Variants in OSBPL8 observed in about 807,000 individuals in gnomAD.
The protein encoded by OSBPL8 is oxysterol-binding protein-related protein 8.
In OSBPL8, 59 loss-of-function variants were observed where a neutral mutation model predicts 125.5. The observed-to-expected ratio is 0.47, with a 90% CI of 0.38 to 0.58. The LOEUF (loss-of-function observed/expected upper bound fraction) is 0.58, where lower values mean the gene tolerates loss of function less well. Among genes scored for constraint, OSBPL8 ranks in the 20% least tolerant of loss-of-function variants. The pLI is 0.00. For missense variants in OSBPL8, 758 were observed against 1,047.8 expected, an observed-to-expected ratio of 0.72 and a Z score of 3.82; for synonymous variants, 330 against 338.9, an observed-to-expected ratio of 0.97 and a Z score of 0.29.
rs565743742 is a variant in OSBPL8, at chr12:76,486,506, T to A, written c.42+1004A>T. Among the ~76,000 whole-genome samples, 127 of 152,138 alleles carry A rather than the reference T, an allele frequency of 8.3e-4. 1 individual carries two copies. The highest frequency in any genetic ancestry group is 7.4e-4 in the Non-Finnish European group (50 of 68,024). On this transcript the variant is annotated intron_variant, in intron 2 of 23. Coordinates refer to ENST00000261183, the MANE Select transcript of OSBPL8 (RefSeq NM_020841.5). ...TTCTAAGAGTCTATACATCAATATATAATGGAGTCACTCAAAATGCAACAA... is the reference window on the plus strand; with the variant it reads ...TTCTAAGAGTCTATACATCAATATAAAATGGAGTCACTCAAAATGCAACAA...
intron 4 of OSBPL8, among the ~76,000 whole-genome samples, chr12:76,433,297 C>CA (rs1438501505): frequency 6.6e-6 from 1 of 152,066 alleles, no homozygotes; most frequent in African/African-American, 2.4e-5. Context: ...TCCCTGTTTG[C>CA]AGATGACATA....
chr12:76,442,685 C>T (rs546995884), intron 4 of OSBPL8, among the ~76,000 whole-genome samples: 109 of 152,116 alleles, frequency 7.2e-4, no homozygotes, highest in Non-Finnish European at 1.4e-3. Flanking sequence ...TATTCAAGAA[C>T]ACATTTGTTA....
At chr12:76,543,800 T>C (rs1445125325) in intron 1 of OSBPL8, among the ~76,000 whole-genome samples, 4 of 152,202 alleles carry the variant, frequency 2.6e-5, no homozygotes, top group African/African-American at 9.7e-5. Context: ...AACTTACATG[T>C]AAGTCTGCAT....
rs1950094901 is a variant in OSBPL8, at chr12:76,524,038, T to C, written c.-68+35359A>G. ...TTTTTAGAAAACAAAATACAGTATA[T>C]AAGTACTATGAATTAGAATCATTTA... On this transcript the variant is annotated intron_variant, in intron 1 of 23. Coordinates refer to ENST00000261183, the MANE Select transcript of OSBPL8 (RefSeq NM_020841.5). Among the ~76,000 whole-genome samples the C allele has an allele frequency of 2.0e-5, 3 of 152,100 alleles. No individual in the cohort carries two copies. In the South Asian group the frequency reaches 6.2e-4, roughly 31 times the overall value.
intron 4 of OSBPL8, among the ~76,000 whole-genome samples, chr12:76,413,554 C>CTTA (rs1421181690): frequency 5.3e-5 from 8 of 152,188 alleles, no homozygotes; most frequent in African/African-American, 1.9e-4. Flanking sequence ...GCATGTGTAA[C>CTTA]TTAAACTTTA....
intron 21 of OSBPL8, among the ~76,000 whole-genome samples, chr12:76,365,709 T>C (rs1952389835): frequency 6.6e-6 from 1 of 152,228 alleles, no homozygotes; most frequent in Non-Finnish European, 1.5e-5. Context: ...CTGTCACCAC[T>C]GAATCTACTA....
At position 76,439,495 on chromosome 12, in the gene OSBPL8, C is replaced by T. The variant is rs185757600; in HGVS notation, c.217+11356G>A. On this transcript the variant is annotated intron_variant, in intron 4 of 23. Coordinates refer to ENST00000261183, the MANE Select transcript of OSBPL8 (RefSeq NM_020841.5). ...AACACCATCAATTTAAGATTCAACT[C>T]AATTTCAGAGATGACAGAATATGTA... Among the ~76,000 whole-genome samples the T allele has an allele frequency of 2.7e-4, 41 of 152,174 alleles. No individual in the cohort carries two copies. In the East Asian group the frequency reaches 6.8e-3, roughly 25 times the overall value.
intron 1 of OSBPL8, among the ~76,000 whole-genome samples, chr12:76,513,326 A>G (rs12813745): frequency 0.22 from 32,723 of 152,114 alleles, 3,743 homozygotes; most frequent in Non-Finnish European, 0.26. Context: ...TGCATTTGCT[A>G]AGGATTGTTT....
intron 2 of OSBPL8, among the ~76,000 whole-genome samples, chr12:76,483,142 C>T (rs907314149): frequency 5.3e-5 from 8 of 151,992 alleles, no homozygotes; most frequent in Non-Finnish European, 1.5e-5. Context: ...CGCCTGTAGT[C>T]CCAGCTACTC....
chr12:76,555,193 A>C (rs142074666), intron 1 of OSBPL8, among the ~76,000 whole-genome samples: 53 of 152,334 alleles, frequency 3.5e-4, no homozygotes, highest in African/African-American at 1.2e-3. Flanking sequence ...TCATCACAAC[A>C]ATGAATAGAT....
intron 15 of OSBPL8, among the ~76,000 whole-genome samples, chr12:76,383,539 C>T (rs118133705): frequency 2.6e-5 from 4 of 152,088 alleles, no homozygotes; most frequent in East Asian, 1.9e-4. Context: ...GCTCACCACA[C>T]GCTCAGGTAA....
intron 16 of OSBPL8, among the ~76,000 whole-genome samples, chr12:76,378,053 C>A (rs933808907): frequency 6.6e-6 from 1 of 152,064 alleles, no homozygotes; most frequent in Non-Finnish European, 1.5e-5. Flanking sequence ...TGAGAAAAAT[C>A]TTTAAAAAAC....
intron 2 of OSBPL8, among the ~76,000 whole-genome samples, chr12:76,480,090 C>A (rs1474806403): frequency 6.7e-6 from 1 of 148,680 alleles, no homozygotes; most frequent in South Asian, 2.1e-4. Flanking sequence ...TCGCTTGAAC[C>A]CAGGAGGCAG....
chr12:76,558,949 G>T (rs1951190235), intron 1 of OSBPL8, among the ~76,000 whole-genome samples: 1 of 152,230 alleles, frequency 6.6e-6, no homozygotes, highest in African/African-American at 2.4e-5. Context: ...GCTCTGCAAA[G>T]GCGGGTGCGG....
intron 21 of OSBPL8, 121 bp downstream of exon 21, chr12:76,369,093 G>T: frequency 7.6e-7 from 1 of 1,312,482 alleles, no homozygotes; most frequent in Non-Finnish European, 1.0e-6. Context: ...GAAGAGTTCA[G>T]AGCTGCGTAT....
At chr12:76,442,869 G>A (rs144564266) in intron 4 of OSBPL8, among the ~76,000 whole-genome samples, 2 of 152,124 alleles carry the variant, frequency 1.3e-5, no homozygotes, top group South Asian at 2.1e-4. Context: ...AATGTGTAAC[G>A]CTGTCACCCT....
intron 1 of OSBPL8, among the ~76,000 whole-genome samples, chr12:76,555,958 C>T (rs1035585960): frequency 2.6e-5 from 4 of 152,076 alleles, no homozygotes; most frequent in Non-Finnish European, 5.9e-5. Flanking sequence ...CGTTGTCTAC[C>T]CCCTTAGACA....
At chr12:76,417,152 C>T (rs907162152) in intron 4 of OSBPL8, among the ~76,000 whole-genome samples, 1 of 152,166 alleles carries the variant, frequency 6.6e-6, no homozygotes, top group African/African-American at 2.4e-5. Context: ...ATTAAATTTG[C>T]CCATATAGCC....
chr12:76,559,001 AAAG>A (rs1160418332), intron 1 of OSBPL8, among the ~76,000 whole-genome samples: 13 of 152,124 alleles, frequency 8.5e-5, no homozygotes, highest in Non-Finnish European at 1.8e-4. Context: ...CTGTCACAGG[AAAG>A]AAGGAGCCTC....
Sources: allele counts gnomAD v4.1 joint callset (sites outside exome capture counted in the v4.1 genomes callset), GRCh38; gene constraint gnomAD v4.1.1; transcripts MANE v1.5; gene names NCBI Gene and HGNC (gene_info 2026-07-23, HGNC 2026-07-21).